GPR149: variants seen among roughly 807,000 people sequenced by gnomAD.
GPR149 encodes the protein probable G protein-coupled receptor 149.
In GPR149, 50 loss-of-function variants were observed where a neutral mutation model predicts 50.2. The ratio of observed to expected loss-of-function variants is 1.00; its 90% CI spans 0.79 to 1.26. GPR149 has a LOEUF of 1.26. GPR149 is among the 50% of genes most tolerant of loss of function. The pLI is 0.00. For synonymous variants in GPR149, 405 were observed against 358.2 expected (o/e 1.13, Z -1.48); for missense variants, 983 against 895.4 (o/e 1.10, Z -1.25).
At position 154,427,599 on chromosome 3, in the gene GPR149, G is replaced by T; in HGVS notation, c.1091C>A (p.Ser364Tyr). 6.2e-7 allele frequency: 1 copy of T among 1,614,170 alleles called. No individual in the cohort carries two copies. Among genetic ancestry groups the T allele is most frequent in the Non-Finnish European group, 8.5e-7 (1 of 1,179,992 alleles). ...ACAGGGCAAGTGGGTCCAGCGTTTG[G>T]ACAAGACAAACACTGGGGTTACAGT... Reference protein sequence around the residue: ...ATTVTPVFVLSKRWTHLPCGC... With the variant: ...ATTVTPVFVLYKRWTHLPCGC... The change falls in exon 2 of 4, where the codon TCC (serine) becomes TAC (tyrosine). Residue 364 changes from serine (S) to tyrosine (Y), a missense_variant. Transcript: ENST00000389740.
Position 154,428,876 on chromosome 3 carries a change from C to G in GPR149, c.740G>C (p.Arg247Thr). 6.2e-7 allele frequency: 1 copy of G among 1,614,018 alleles called. No individual in the cohort carries two copies. The highest frequency in any genetic ancestry group is 8.5e-7 in the Non-Finnish European group (1 of 1,179,946). ...SIPGTPPTAGRVVSLSPEDAP... is the reference protein window; with the variant it reads ...SIPGTPPTAGTVVSLSPEDAP... ...ATCCTCTGGGGACAGGGAAACCACT[C>G]TCCCCGCAGTAGGAGGGGTCCCAGG... The change falls in exon 1 of 4, where the codon AGA becomes ACA. Residue 247 changes from arginine (R) to threonine (T), a missense_variant. Arg to Thr is a moderately conservative substitution (Grantham distance 71). Coordinates refer to ENST00000389740, the MANE Select transcript of GPR149 (RefSeq NM_001038705.3).
intron 3 of GPR149, among the ~76,000 whole-genome samples, chr3:154,382,358 G>A (rs928106308): frequency 9.2e-5 from 14 of 152,190 alleles, no homozygotes; most frequent in Admixed American, 6.5e-5. Context: ...GGGGTCAGAT[G>A]TAGCAGAGCT....
chr3:154,396,275 GT>G (rs1442140474), intron 3 of GPR149, among the ~76,000 whole-genome samples: 1 of 152,034 alleles, frequency 6.6e-6, no homozygotes, highest in Non-Finnish European at 1.5e-5. Context: ...GAGTTCACAT[GT>G]TTTTTATTTC....
At chr3:154,385,258 T>C (rs1020088430) in intron 3 of GPR149, among the ~76,000 whole-genome samples, 23 of 152,330 alleles carry the variant, frequency 1.5e-4, no homozygotes, top group African/African-American at 5.3e-4. Flanking sequence ...TTCACCTGGC[T>C]TTCATCCCCA....
intron 3 of GPR149, chr3:154,352,649 C>A: frequency 2.6e-6 from 2 of 778,644 alleles, no homozygotes; most frequent in Non-Finnish European, 4.8e-6. Flanking sequence ...GCTAAAGTTG[C>A]AGCCAATGCA....
rs766633896 is a variant in GPR149, at chr3:154,421,437, T to A, written c.1225A>T (p.Ile409Phe). 8 of 1,598,794 alleles carry A rather than the reference T, an allele frequency of 5.0e-6. No individual in the cohort carries two copies. In the East Asian group the frequency reaches 8.9e-5, roughly 18 times the overall value. ...TAATCTTCATGTGCTATTTTATAAATCCCATAACTTTTTTGGAATGATAGA... is the reference window on the plus strand; with the variant it reads ...TAATCTTCATGTGCTATTTTATAAAACCCATAACTTTTTTGGAATGATAGA... ...FNLSFQKSYG[I>F]YKIAHEDYYD... Residue 409 changes from isoleucine to phenylalanine, a missense_variant, in exon 3 of 4, where the codon ATT (isoleucine) becomes TTT (phenylalanine). Coordinates refer to ENST00000389740, the MANE Select transcript of GPR149 (RefSeq NM_001038705.3).
chr3:154,353,074 C>T, intron 3 of GPR149: 1 of 1,416,046 alleles, frequency 7.1e-7, no homozygotes, highest in Non-Finnish European at 1.0e-6. Context: ...TGTGCAATAT[C>T]CCCATGTAAA....
chr3:154,402,722 G>A (rs939705100), intron 3 of GPR149, among the ~76,000 whole-genome samples: 2 of 142,466 alleles, frequency 1.4e-5, no homozygotes, highest in African/African-American at 5.2e-5. Context: ...GTCTGTAAGT[G>A]CGTTGTCTAT....
At chr3:154,350,835 T>C (rs893448122) in intron 3 of GPR149, among the ~76,000 whole-genome samples, 1 of 152,180 alleles carries the variant, frequency 6.6e-6, no homozygotes, top group Non-Finnish European at 1.5e-5. Flanking sequence ...GTCCCTTATA[T>C]AAAATGGCAT....
At chr3:154,407,946 A>G (rs1009664306) in intron 3 of GPR149, among the ~76,000 whole-genome samples, 2 of 152,178 alleles carry the variant, frequency 1.3e-5, no homozygotes, top group African/African-American at 4.8e-5. Flanking sequence ...ATGCTAAAAA[A>G]TGATTATGTC....
In GPR149 at chr3:154,352,593, G is replaced by A. The variant is rs1036669563; in HGVS notation, c.1624-14322C>T. ...GCTTTCCAGAGTCATGGTCATCAGA[G>A]GCGATCAAAGACTGTGGTTCAAAAC... On this transcript the variant is annotated intron_variant, in intron 3 of 3. Transcript: ENST00000389740. The A allele has an allele frequency of 9.0e-6, 7 of 776,692 alleles. No homozygotes were observed. In the African/African-American group the frequency reaches 1.0e-4, roughly 11 times the overall value. The allele number at this position is 776,692 out of a possible 1,614,324, so 48.1% of individuals were successfully genotyped here.
chr3:154,386,833 C>T (rs1715054832), intron 3 of GPR149, among the ~76,000 whole-genome samples: 1 of 151,986 alleles, frequency 6.6e-6, no homozygotes, highest in Non-Finnish European at 1.5e-5. Flanking sequence ...AAACAATTCC[C>T]AATAATAAGG....
chr3:154,353,090 G>C (rs749677341), intron 3 of GPR149: 19 of 1,437,200 alleles, frequency 1.3e-5, no homozygotes, highest in Non-Finnish European at 1.9e-5. Flanking sequence ...GTAAACACTG[G>C]GCATTCTGTT....
At chr3:154,404,773 T>G (rs2108420099) in intron 3 of GPR149, among the ~76,000 whole-genome samples, 1 of 152,294 alleles carries the variant, frequency 6.6e-6, no homozygotes, top group South Asian at 2.1e-4. Context: ...CACACAGAGT[T>G]TTTGTGAATA....
At chr3:154,411,741 C>G (rs371468972) in intron 3 of GPR149, among the ~76,000 whole-genome samples, 1 of 151,968 alleles carries the variant, frequency 6.6e-6, no homozygotes, top group Non-Finnish European at 1.5e-5. Context: ...CAGGACCAGA[C>G]GAATTCACAA....
In GPR149 at chr3:154,356,864, G is replaced by A. The variant is rs923170612; in HGVS notation, c.1624-18593C>T. Among the ~76,000 whole-genome samples, 1,120 of 152,204 alleles carry A rather than the reference G, an allele frequency of 7.4e-3. 12 individuals carry two copies. Among genetic ancestry groups the A allele is most frequent in the African/African-American group, 0.026 (1,076 of 41,504 alleles). ...TTCATATGGAACCAAAAAAGGGCCC[G>A]CATCGCCAAGTCAATCCTAAGACAA... On this transcript the variant is annotated intron_variant, in intron 3 of 3. Coordinates refer to ENST00000389740, the MANE Select transcript of GPR149 (RefSeq NM_001038705.3).
chr3:154,424,771 C>T (rs75752599), intron 2 of GPR149, among the ~76,000 whole-genome samples: 2,250 of 151,610 alleles, frequency 0.015, 54 homozygotes, highest in African/African-American at 0.052. Flanking sequence ...TAGTCTTCTG[C>T]TTTTAGTCAC....
At chr3:154,414,322 A>T (rs573310556) in intron 3 of GPR149, among the ~76,000 whole-genome samples, 3 of 152,162 alleles carry the variant, frequency 2.0e-5, no homozygotes, top group African/African-American at 7.2e-5. Context: ...AAAAAACAAA[A>T]AAATAAATAA....
rs983599852 is a variant in GPR149 at position 154,336,838 on chromosome 3, T to A, written c.*861A>T. On this transcript the variant is annotated 3_prime_UTR_variant, in exon 4 of 4. Transcript: ENST00000389740. ...TTTTGCTCTGCTGTATCCAGAAGCC[T>A]ACCATGTTTGGATGTACCTCTCATA... is the stretch of plus-strand genomic sequence containing the variant. 20 of 152,184 alleles carry A rather than the reference T, an allele frequency of 1.3e-4. No individual in the cohort carries two copies. The highest frequency in any genetic ancestry group is 3.9e-4 in the East Asian group (2 of 5,176). 9.4% of individuals were successfully genotyped at this position (152,184 alleles called of 1,614,324 possible). A position where few individuals can be genotyped will look rare whatever the true frequency, so the allele number is the denominator to read the frequency against.
Sources: allele counts gnomAD v4.1 joint callset (sites outside exome capture counted in the v4.1 genomes callset), GRCh38; gene constraint gnomAD v4.1.1; transcripts MANE v1.5; gene names NCBI Gene and HGNC (gene_info 2026-07-23, HGNC 2026-07-21).